The following FRMPD4 variants were observed in gnomAD, a reference collection of about 807,000 sequenced individuals.
FRMPD4 encodes FERM and PDZ domain-containing protein 4.
In FRMPD4, 22 loss-of-function variants were observed where a neutral mutation model predicts 94.1. The observed-to-expected ratio is 0.23, with a 90% CI of 0.17 to 0.33. The LOEUF (loss-of-function observed/expected upper bound fraction) is 0.33, where lower values mean the gene tolerates loss of function less well. Ranked by LOEUF, FRMPD4 falls within the 10% of genes least tolerant of loss-of-function variation. The pLI, the probability that FRMPD4 is intolerant of heterozygous loss-of-function variation, is 1.00. For synonymous variants in FRMPD4, 631 were observed against 548.6 expected (o/e 1.15, Z -2.10); for missense variants, 1,111 against 1,339.9 (o/e 0.83, Z 2.67).
intron 2 of FRMPD4, among the ~76,000 whole-genome samples, chrX:12,582,926 C>T (rs1387758766): frequency 8.9e-6 from 1 of 112,080 alleles, no homozygotes; most frequent in Admixed American, 9.4e-5. Context: ...CTTACTACTT[C>T]CCGGTTGCAA....
At chrX:12,173,078 T>G (rs1211703674) in intron 1 of FRMPD4, among the ~76,000 whole-genome samples, 1 of 112,753 alleles carries the variant, frequency 8.9e-6, no homozygotes, top group African/African-American at 3.2e-5. Flanking sequence ...TTCAAAGATA[T>G]AAAATTCATA....
At chrX:12,438,133 G>C (rs992033938) in intron 1 of FRMPD4, among the ~76,000 whole-genome samples, 1 of 111,254 alleles carries the variant, frequency 9.0e-6, no homozygotes, top group African/African-American at 3.3e-5. Flanking sequence ...TAACAACTGA[G>C]TATGTCAGCA....
At chrX:12,333,090 G>A (rs1219689222) in intron 1 of FRMPD4, among the ~76,000 whole-genome samples, 2 of 111,711 alleles carry the variant, frequency 1.8e-5, no homozygotes, top group Admixed American at 9.5e-5. Flanking sequence ...AGTTTTTCAA[G>A]CATTATATTA....
chrX:12,676,102 A>G (rs1233267218), intron 5 of FRMPD4, among the ~76,000 whole-genome samples: 1 of 112,113 alleles, frequency 8.9e-6, no homozygotes, highest in African/African-American at 3.2e-5. Flanking sequence ...ACACACATAC[A>G]CATACATTGG....
In FRMPD4 at chrX:12,133,399, T is replaced by C. The variant is rs906171062; in HGVS notation, c.95+255381T>C. Among the ~76,000 whole-genome samples the C allele has an allele frequency of 2.7e-5, 3 of 109,132 alleles. No individual in the cohort carries two copies. The Admixed American group carries it at 3.0e-4, about 11-fold the overall frequency. 94.8% of individuals were successfully genotyped at this position (109,132 alleles called of 115,157 possible). A position where few individuals can be genotyped will look rare whatever the true frequency, so the allele number is the denominator to read the frequency against. On this transcript the variant is annotated intron_variant, in intron 3 of 18. Transcript: ENST00000640291. Reference sequence around the variant, plus strand: ...ACCCTTCTGGTTTTTGTATGTTCTATATCTAGATAAGGGAACCAGGGCATT... The same window carrying C: ...ACCCTTCTGGTTTTTGTATGTTCTACATCTAGATAAGGGAACCAGGGCATT...
chrX:12,635,426 A>C (rs2059434792), intron 4 of FRMPD4, among the ~76,000 whole-genome samples: 1 of 110,613 alleles, frequency 9.0e-6, no homozygotes, highest in African/African-American at 3.3e-5. Flanking sequence ...TAGCATTAAG[A>C]ATTTACAGAA....
At chrX:11,923,112 C>T (rs5935188) in intron 3 of FRMPD4, among the ~76,000 whole-genome samples, 39,782 of 112,076 alleles carry the variant, frequency 0.35, 5,519 homozygotes, top group East Asian at 0.81. Flanking sequence ...CCCAGCCCCA[C>T]AGCAACTCCC....
chrX:11,891,006 A>G lies in FRMPD4; in HGVS notation c.95+12988A>G, dbSNP rs751403177. On this transcript the variant is annotated intron_variant, in intron 3 of 18. Transcript: ENST00000640291. ...GTTCCTGGGCACACAGCTGCCTGAGACAAGCCTTGCCAGCTGGGCAGCTGC... is the reference window on the plus strand; with the variant it reads ...GTTCCTGGGCACACAGCTGCCTGAGGCAAGCCTTGCCAGCTGGGCAGCTGC... 5.3e-5 allele frequency among the ~76,000 whole-genome samples: 6 copies of G among 112,865 alleles called. No individual in the cohort carries two copies. In the East Asian group the frequency reaches 1.7e-3, roughly 31 times the overall value.
chrX:12,133,311 A>C (rs763009748), intron 3 of FRMPD4, among the ~76,000 whole-genome samples: 2 of 110,094 alleles, frequency 1.8e-5, no homozygotes, highest in East Asian at 5.6e-4. Flanking sequence ...GCCACAAGCA[A>C]TTTTCCTACT....
At chrX:11,935,249 G>GTTC (rs2054149233) in intron 3 of FRMPD4, among the ~76,000 whole-genome samples, 1 of 5,383 alleles carries the variant, frequency 1.9e-4, no homozygotes, top group African/African-American at 6.3e-4. Flanking sequence ...TTGTTTTGTT[G>GTTC]TTTTTTTTTT....
At chrX:12,586,291 G>A (rs1030426755) in intron 2 of FRMPD4, among the ~76,000 whole-genome samples, 10 of 112,876 alleles carry the variant, frequency 8.9e-5, no homozygotes, top group Admixed American at 8.4e-4. Flanking sequence ...CTGGTTCCAA[G>A]ACAGTCCACT....
At chrX:11,969,823 T>C (rs1176485219) in intron 3 of FRMPD4, among the ~76,000 whole-genome samples, 1 of 111,807 alleles carries the variant, frequency 8.9e-6, no homozygotes, top group East Asian at 2.8e-4. Context: ...AAATAATCGT[T>C]TCGTAGACTA....
At chrX:11,995,847 T>C (rs1055031564) in intron 3 of FRMPD4, among the ~76,000 whole-genome samples, 2 of 112,044 alleles carry the variant, frequency 1.8e-5, no homozygotes, top group African/African-American at 6.5e-5. Flanking sequence ...ATTTCCATAA[T>C]TAATATCAAA....
At chrX:12,686,672 C>A (rs950261423) in intron 7 of FRMPD4, among the ~76,000 whole-genome samples, 1 of 111,940 alleles carries the variant, frequency 8.9e-6, no homozygotes, top group Non-Finnish European at 1.9e-5. Flanking sequence ...CTTTTAATTT[C>A]TGTAACCAAT....
rs541123012 is a variant in FRMPD4 at position 12,275,283 on chromosome X, C to G, written c.41+136271C>G. Among the ~76,000 whole-genome samples the G allele has an allele frequency of 2.7e-5, 3 of 110,752 alleles. No individual in the cohort carries two copies. The South Asian group carries it at 1.2e-3, about 43-fold the overall frequency. Reference sequence around the variant, plus strand: ...CCACCTGCTTCTGCCACATGACATGCCTGCTCCTGCTTCACCTTCTGCCAT... The same window carrying G: ...CCACCTGCTTCTGCCACATGACATGGCTGCTCCTGCTTCACCTTCTGCCAT... On this transcript the variant is annotated intron_variant, in intron 1 of 16. Transcript: ENST00000675598.
At chrX:11,854,993 G>C (rs1322811607) in intron 1 of FRMPD4, among the ~76,000 whole-genome samples, 1 of 112,015 alleles carries the variant, frequency 8.9e-6, no homozygotes, top group East Asian at 2.8e-4. Flanking sequence ...CACCCCTGCA[G>C]CATACTTCTG....
chrX:12,550,970 C>T (rs960780816), intron 2 of FRMPD4, among the ~76,000 whole-genome samples: 4 of 109,963 alleles, frequency 3.6e-5, no homozygotes, highest in Non-Finnish European at 7.6e-5. Context: ...TATGTGAATA[C>T]ATATGCATAT....
intron 3 of FRMPD4, among the ~76,000 whole-genome samples, chrX:12,008,655 A>G (rs1191108280): frequency 8.9e-6 from 1 of 111,845 alleles, no homozygotes; most frequent in Non-Finnish European, 1.9e-5. Flanking sequence ...CCCATCATGC[A>G]GCTAGCCCAG....
At chrX:11,825,334 G>A (rs1032583004) in intron 1 of FRMPD4, among the ~76,000 whole-genome samples, 1 of 108,677 alleles carries the variant, frequency 9.2e-6, no homozygotes, top group Non-Finnish European at 1.9e-5. Context: ...GAAGAGCTAT[G>A]GCTTGATAAA....
Sources: allele counts gnomAD v4.1 joint callset (sites outside exome capture counted in the v4.1 genomes callset), GRCh38; gene constraint gnomAD v4.1.1; transcripts MANE v1.5; gene names NCBI Gene and HGNC (gene_info 2026-07-23, HGNC 2026-07-21).